Variants in ENG observed in about 807,000 individuals in gnomAD.
ENG encodes endoglin.
In ENG, 17 loss-of-function variants were observed where a neutral mutation model predicts 71.0. That is an observed-to-expected ratio of 0.24 (90% CI 0.16 to 0.36). The LOEUF is 0.36. Among genes scored for constraint, ENG ranks in the 10% least tolerant of loss-of-function variants. The pLI is 1.00. For synonymous variants in ENG, 360 were observed against 366.9 expected, an observed-to-expected ratio of 0.98 and a Z score of 0.21; for missense variants, 749 against 868.3, an observed-to-expected ratio of 0.86 and a Z score of 1.73.
chr9:127,830,505 G>C (rs1830738668), intron 2 of ENG, among the ~76,000 whole-genome samples: 1 of 151,864 alleles, frequency 6.6e-6, no homozygotes. Context: ...TTAGCCAGGT[G>C]GGGTGGTGGT....
At chr9:127,816,919 C>T in intron 13 of ENG, 1 of 597,754 alleles carries the variant, frequency 1.7e-6, no homozygotes, top group Non-Finnish European at 3.0e-6. Context: ...AGACTCCCAC[C>T]CCACAGGGCG....
intron 2 of ENG, among the ~76,000 whole-genome samples, chr9:127,830,042 AAG>A (rs1272632556): frequency 6.6e-6 from 1 of 152,024 alleles, no homozygotes; most frequent in Non-Finnish European, 1.5e-5. Flanking sequence ...GGCAAATCTG[AAG>A]AGAGAAAAAA....
rs1830951185 is a variant in ENG, at chr9:127,838,311, C to T, written c.219+4783G>A. 1.3e-5 allele frequency among the ~76,000 whole-genome samples: 2 copies of T among 151,842 alleles called. No homozygotes were observed. The highest frequency in any genetic ancestry group is 4.1e-4 in the South Asian group (2 of 4,834). ...AGGGGGGTACATCCCTTTGGCCCCA[C>T]AGAGTCCCCACCCTGGGAGAGGGCT... On this transcript the variant is annotated intron_variant, in intron 2 of 14. Transcript: ENST00000373203. The surrounding 1 kb of genome is among the most constrained non-coding windows in gnomAD (Gnocchi z 4.3).
chr9:127,854,638 C>A lies in ENG; in HGVS notation c.-283G>T. The A allele has an allele frequency of 3.9e-6, 2 of 513,506 alleles. No individual in the cohort carries two copies. Among genetic ancestry groups the A allele is most frequent in the Non-Finnish European group, 6.9e-6 (2 of 290,946 alleles). 31.8% of individuals were successfully genotyped at this position (513,506 alleles called of 1,614,324 possible). The stretch of plus-strand genomic sequence containing the variant: ...GACAGCAGCAGTCCTGGCCCCAGGG[C>A]GCAGATGAAGGCTGTGGTATGACCG... On this transcript the variant is annotated 5_prime_UTR_variant, in exon 1 of 15. Transcript: ENST00000373203.
chr9:127,854,323 G>A lies in ENG; in HGVS notation c.33C>T (p.Ala11=), dbSNP rs1217908512. The change falls in exon 1 of 15, where the codon GCC becomes GCT. Residue 11 remains alanine, a synonymous_variant. Transcript: ENST00000373203. ...TGAGGCTGCAGCTGGCCAGCAGCAG[G>A]GCAACAGCCAGAGGGAGCGTGCCGC... MDRGTLPLAV[A]LLLASCSLSP... is the part of the protein sequence containing the mutation. 2.5e-6 allele frequency: 4 copies of A among 1,596,400 alleles called. No individual in the cohort carries two copies. The highest frequency in any genetic ancestry group is 2.3e-5 in the East Asian group (1 of 43,888).
intron 2 of ENG, among the ~76,000 whole-genome samples, chr9:127,841,544 A>G (rs918969363): frequency 6.6e-6 from 1 of 152,234 alleles, no homozygotes; most frequent in Non-Finnish European, 1.5e-5. Context: ...GTTTGGCACT[A>G]TCTATGATTT....
At chr9:127,834,509 A>G (rs1830848877) in intron 2 of ENG, among the ~76,000 whole-genome samples, 1 of 152,186 alleles carries the variant, frequency 6.6e-6, no homozygotes, top group Non-Finnish European at 1.5e-5. Flanking sequence ...GGTTCAAGCA[A>G]TTCTCCTGCC....
At position 127,824,431 on chromosome 9, in the gene ENG, G is replaced by T; in HGVS notation, c.1007C>A (p.Thr336Asn). The T allele has an allele frequency of 6.2e-7, 1 of 1,613,794 alleles. No homozygotes were observed. The highest frequency in any genetic ancestry group is 8.5e-7 in the Non-Finnish European group (1 of 1,179,916). Reference sequence around the variant, plus strand: ...AGTGGTCTGGATCGGTGCGGGTGAGGTCTGCAGCCTACCACCTGTGGGGTA... The same window carrying T: ...AGTGGTCTGGATCGGTGCGGGTGAGTTCTGCAGCCTACCACCTGTGGGGTA... ...HASSCGGRLQ[T>N]SPAPIQTTPP... Residue 336 changes from threonine (T) to asparagine (N), a missense_variant, in exon 8 of 15, where the codon ACC becomes AAC. Coordinates refer to ENST00000373203, the MANE Select transcript of ENG (RefSeq NM_001114753.3).
rs1830568373 is a variant in ENG, at chr9:127,824,879, C to T, written c.912G>A (p.Arg304=). ...DTPQGLLGEA[R]MLNASIVASF... ...ATGCCACAATGCTGGCATTGAGCAT[C>T]CGGGCCTCCCCCAGGAGGCCTTGAG... Residue 304 remains arginine, a synonymous_variant, in exon 7 of 15, where the codon CGG becomes CGA. Coordinates refer to ENST00000373203, the MANE Select transcript of ENG (RefSeq NM_001114753.3). The T allele has an allele frequency of 1.9e-6, 3 of 1,612,366 alleles. No individual in the cohort carries two copies. In the African/African-American group the frequency reaches 4.0e-5, roughly 22 times the overall value.
intron 7 of ENG, 125 bp from the exon 8 acceptor site, chr9:127,824,571 T>A: frequency 8.1e-7 from 1 of 1,232,724 alleles, no homozygotes; most frequent in Non-Finnish European, 1.1e-6. Context: ...CGGGCTGGAG[T>A]GCAGTGGCAC....
At chr9:127,820,109 G>C (rs1350480678) in intron 8 of ENG, 72 bp from the exon 9 acceptor site, 4 of 1,570,358 alleles carry the variant, frequency 2.5e-6, no homozygotes, top group Non-Finnish European at 3.4e-6. Context: ...CAGCACCAAG[G>C]ACTGACCACA....
intron 3 of ENG, 83 bp from the exon 4 acceptor site, chr9:127,826,755 G>A: frequency 1.3e-6 from 2 of 1,557,716 alleles, no homozygotes; most frequent in Non-Finnish European, 1.7e-6. Context: ...GAAGTAATTT[G>A]TGGAGTCAGC....
intron 13 of ENG, 78 bp downstream of exon 13, chr9:127,817,071 G>C: frequency 6.4e-7 from 1 of 1,550,826 alleles, no homozygotes; most frequent in Middle Eastern, 1.7e-4. Context: ...TGCCCAGGCC[G>C]TTTCTCAGGG....
chr9:127,829,937 C>G, intron 2 of ENG, 110 bp from the exon 3 acceptor site: 1 of 1,477,550 alleles, frequency 6.8e-7, no homozygotes. Flanking sequence ...TCCCTGCCTG[C>G]TCTGTCCACC....
chr9:127,818,940 C>CTTT (rs373626892), intron 10 of ENG, 108 bp from the exon 11 acceptor site: 123 of 685,256 alleles, frequency 1.8e-4, no homozygotes, highest in Admixed American at 3.1e-4. Flanking sequence ...GCCTGACTCT[C>CTTT]TTTTTTTTTT....
rs1353936644 is a variant in ENG at position 127,816,026 on chromosome 9, G to T, written c.1769C>A (p.Pro590His). The stretch of plus-strand genomic sequence containing the variant: ...ACCAAAGGTGATGCCCAGCACGGCG[G>T]GCAGGACGAGGCCTTTGCTTGTGCA... The part of the protein sequence containing the change: ...SGCTSKGLVL[P>H]AVLGITFGAF... Residue 590 changes from proline to histidine, a missense_variant, in exon 14 of 15, where the codon CCC (proline) becomes CAC (histidine). Pro to His is a moderately conservative substitution (Grantham distance 77). Coordinates refer to ENST00000373203, the MANE Select transcript of ENG (RefSeq NM_001114753.3). 2 of 1,610,456 alleles carry T rather than the reference G, an allele frequency of 1.2e-6. No individual in the cohort carries two copies. Among genetic ancestry groups the T allele is most frequent in the Non-Finnish European group, 1.7e-6 (2 of 1,179,154 alleles).
chr9:127,851,711 T>G (rs1199071109), intron 1 of ENG, among the ~76,000 whole-genome samples: 1 of 151,824 alleles, frequency 6.6e-6, no homozygotes, highest in African/African-American at 2.4e-5. Flanking sequence ...AAACCCCGTC[T>G]CTACTAAAAA....
In ENG at chr9:127,818,134, C is replaced by T. The variant is rs373230507; in HGVS notation, c.1672G>A (p.Gly558Arg). Reference protein sequence around the residue: ...SCTVALRPKTGSQDQEVHRTV... With the variant: ...SCTVALRPKTRSQDQEVHRTV... ...GCCCCACTCACCTGGTCTTGAGACC[C>T]GGTCTTGGGACGCAGGGCTACCGTG... Residue 558 changes from glycine to arginine, a missense_variant, in exon 12 of 15, where the codon GGG (glycine) becomes AGG (arginine). Coordinates refer to ENST00000373203, the MANE Select transcript of ENG (RefSeq NM_001114753.3). 97 of 1,614,164 alleles carry T rather than the reference C, an allele frequency of 6.0e-5. 2 individuals are homozygous for T. The highest frequency in any genetic ancestry group is 5.6e-4 in the South Asian group (51 of 91,088).
chr9:127,820,659 T>C (rs1181995893), intron 8 of ENG, among the ~76,000 whole-genome samples: 1 of 150,658 alleles, frequency 6.6e-6, no homozygotes, highest in African/African-American at 2.4e-5. Flanking sequence ...AAACCCCGTC[T>C]CTACTAAAAA....
Sources: gnomAD v4.1 joint callset for allele counts (sites outside exome capture counted in the v4.1 genomes callset) on GRCh38, gnomAD v4.1.1 for gene constraint, Gnocchi (gnomAD v3.1) non-coding constraint, MANE v1.5 for transcripts, NCBI Gene and HGNC (gene_info 2026-07-23, HGNC 2026-07-21) for gene names.